Variants in NCKAP5 observed in about 807,000 individuals in gnomAD.
The protein encoded by NCKAP5 is nck-associated protein 5.
NCKAP5 carries 92 observed loss-of-function variants against 167.0 expected under a neutral mutation model. The observed-to-expected ratio is 0.55, with a 90% CI of 0.47 to 0.66. NCKAP5 has a LOEUF of 0.66. Among genes scored for constraint, NCKAP5 ranks in the 30% least tolerant of loss-of-function variants. The pLI is 0.00. For missense variants in NCKAP5, 2,378 were observed against 2,315.0 expected (o/e 1.03, Z -0.56); for synonymous variants, 891 against 877.4 (o/e 1.02, Z -0.27).
intron 6 of NCKAP5, among the ~76,000 whole-genome samples, chr2:133,088,811 A>G (rs2149624485): frequency 6.6e-6 from 1 of 152,322 alleles, no homozygotes; most frequent in South Asian, 2.1e-4. Flanking sequence ...TAGAATATAG[A>G]ATGAATTAAG....
intron 19 of NCKAP5, among the ~76,000 whole-genome samples, chr2:132,681,380 T>G (rs944039391): frequency 5.9e-5 from 9 of 152,030 alleles, no homozygotes; most frequent in African/African-American, 2.2e-4. Context: ...TGCATCGTTT[T>G]ATGTCTTAAA....
intron 4 of NCKAP5, among the ~76,000 whole-genome samples, chr2:133,249,335 C>T (rs1305295576): frequency 1.3e-5 from 2 of 152,180 alleles, no homozygotes; most frequent in African/African-American, 2.4e-5. Flanking sequence ...CAAAGTGATA[C>T]CTCTGCCAGA....
At chr2:133,337,222 C>T (rs1410970902) in intron 3 of NCKAP5, among the ~76,000 whole-genome samples, 4 of 152,204 alleles carry the variant, frequency 2.6e-5, no homozygotes, top group Non-Finnish European at 4.4e-5. Context: ...TTAAATCCAG[C>T]TGCTGCTATT....
chr2:133,641,855 C>T, the NCKAP5 span, among the ~76,000 whole-genome samples: 1 of 152,206 alleles, frequency 6.6e-6, no homozygotes, highest in Admixed American at 6.5e-5. Flanking sequence ...ACTGGAACAT[C>T]TATTATCCTA....
chr2:133,016,186 A>G (rs1194603179), intron 6 of NCKAP5, among the ~76,000 whole-genome samples: 2 of 152,194 alleles, frequency 1.3e-5, no homozygotes, highest in Admixed American at 1.3e-4. Flanking sequence ...GTAAAACCAA[A>G]TAAAATCCGA....
rs577096158 is a variant in NCKAP5, at chr2:133,090,972, A to C, written c.341+39006T>G. On this transcript the variant is annotated intron_variant, in intron 6 of 19. Transcript: ENST00000409261. ...GAGGGGCTTGGTGGGAGGTGACTGG[A>C]TCATGGAGGTAGATATCCCCCTTGC... Among the ~76,000 whole-genome samples, 7 of 151,950 alleles carry C rather than the reference A, an allele frequency of 4.6e-5. No homozygotes were observed. The East Asian group carries it at 5.8e-4, about 13-fold the overall frequency.
intron 19 of NCKAP5, among the ~76,000 whole-genome samples, chr2:132,675,262 C>T (rs7582703): frequency 0.12 from 17,532 of 152,218 alleles, 3,316 homozygotes; most frequent in African/African-American, 0.4. Context: ...GGCTGAGCTT[C>T]GATTTCAGCT....
intron 5 of NCKAP5, among the ~76,000 whole-genome samples, chr2:133,154,754 C>T (rs555983333): frequency 6.6e-6 from 1 of 152,278 alleles, no homozygotes; most frequent in East Asian, 1.9e-4. Context: ...AATAGGGATG[C>T]ATATGCTTTA....
chr2:133,226,124 A>G (rs763259119), intron 4 of NCKAP5, among the ~76,000 whole-genome samples: 1 of 151,674 alleles, frequency 6.6e-6, no homozygotes, highest in East Asian at 1.9e-4. Context: ...AATGTTTCTT[A>G]GAGACACGGA....
At chr2:132,811,873 A>T (rs10460263) in intron 11 of NCKAP5, among the ~76,000 whole-genome samples, 26,663 of 152,020 alleles carry the variant, frequency 0.18, 2,748 homozygotes, top group East Asian at 0.3. Flanking sequence ...TCCTCTGGCC[A>T]CCTTCCTGAT....
chr2:133,308,663 CT>C (rs529029996), intron 3 of NCKAP5, among the ~76,000 whole-genome samples: 3 of 84,844 alleles, frequency 3.5e-5, no homozygotes, highest in South Asian at 7.5e-4. Context: ...ATAAAGCATG[CT>C]TTTTTCGTTT....
intron 8 of NCKAP5, among the ~76,000 whole-genome samples, chr2:132,929,568 TATGTACAGAGTTGA>T (rs555204108): frequency 6.6e-6 from 1 of 152,352 alleles, no homozygotes; most frequent in Non-Finnish European, 1.5e-5. Flanking sequence ...CAGGAGAAGC[TATGTACAGAGTTGA>T]ATAAAGCCAC....
chr2:132,886,510 T>C (rs1203534911), intron 8 of NCKAP5, among the ~76,000 whole-genome samples: 1 of 152,232 alleles, frequency 6.6e-6, no homozygotes, highest in Non-Finnish European at 1.5e-5. Flanking sequence ...GGTGTCCCTG[T>C]CTAGTCCAGG....
At chr2:132,716,295 T>C (rs1282907406) in intron 19 of NCKAP5, among the ~76,000 whole-genome samples, 2 of 152,176 alleles carry the variant, frequency 1.3e-5, no homozygotes, top group East Asian at 3.9e-4. Flanking sequence ...CCTAGCAAGT[T>C]AGATTTAATT....
chr2:133,482,334 CA>C (rs1680530513), intron 3 of NCKAP5, among the ~76,000 whole-genome samples: 1 of 151,944 alleles, frequency 6.6e-6, no homozygotes, highest in Non-Finnish European at 1.5e-5. Context: ...TCTCCTGCCT[CA>C]GCTTCCCGAG....
intron 7 of NCKAP5, among the ~76,000 whole-genome samples, chr2:132,966,291 G>T (rs2076661455): frequency 6.6e-6 from 1 of 152,052 alleles, no homozygotes. Flanking sequence ...GTAGAGGCAG[G>T]GTTTCACCAG....
At position 133,235,643 on chromosome 2, in the gene NCKAP5, C is replaced by T. The variant is rs141577177; in HGVS notation, c.144-21864G>A. Among the ~76,000 whole-genome samples the T allele has an allele frequency of 9.7e-3, 1,468 of 152,102 alleles. 24 individuals carry two copies. Among genetic ancestry groups the T allele is most frequent in the African/African-American group, 0.034 (1,396 of 41,442 alleles). ...TACAGGCTGGGCACAGTGGCTCATGCCTGCAATCCCAGCATGTTGGGAGGC... is the reference window on the plus strand; with the variant it reads ...TACAGGCTGGGCACAGTGGCTCATGTCTGCAATCCCAGCATGTTGGGAGGC... On this transcript the variant is annotated intron_variant, in intron 4 of 19. Transcript: ENST00000409261.
intron 2 of NCKAP5, among the ~76,000 whole-genome samples, chr2:133,543,668 A>C (rs2104900315): frequency 6.6e-6 from 1 of 152,364 alleles, no homozygotes. Context: ...CCTGTGGGAA[A>C]TGAAGGTCTA....
intron 5 of NCKAP5, among the ~76,000 whole-genome samples, chr2:133,177,732 T>C (rs933021391): frequency 2.0e-5 from 3 of 152,156 alleles, no homozygotes; most frequent in Non-Finnish European, 4.4e-5. Context: ...GGGAAGGCCA[T>C]GAAGGGAGCC....
Sources: gnomAD v4.1 joint callset for allele counts (sites outside exome capture counted in the v4.1 genomes callset) on GRCh38, gnomAD v4.1.1 for gene constraint, MANE v1.5 for transcripts, NCBI Gene and HGNC (gene_info 2026-07-23, HGNC 2026-07-21) for gene names.